The following TRIM29 variants were observed in gnomAD, a reference collection of about 807,000 sequenced individuals.
TRIM29 encodes tripartite motif containing 29.
In TRIM29, 52 loss-of-function variants were observed where a neutral mutation model predicts 57.3. That is an observed-to-expected ratio of 0.91 (90% CI 0.73 to 1.14). The LOEUF is 1.14. Ranked by LOEUF, TRIM29 falls within the 50% of genes most tolerant of loss-of-function variation. The probability of loss-of-function intolerance (pLI) is 0.00; values close to 1 mark genes in which losing one functional copy is unlikely to be tolerated. For missense variants in TRIM29, 753 were observed against 774.6 expected, an observed-to-expected ratio of 0.97 and a Z score of 0.33; for synonymous variants, 319 against 316.9, an observed-to-expected ratio of 1.01 and a Z score of -0.07.
intron 4 of TRIM29, chr11:120,123,443 C>T (rs558045669): frequency 1.1e-5 from 5 of 462,764 alleles, no homozygotes; most frequent in Admixed American, 2.3e-5. Flanking sequence ...AGAGAAGCAG[C>T]TTGCCCAATG....
At chr11:120,136,496 A>T (rs1464528622) in intron 1 of TRIM29, among the ~76,000 whole-genome samples, 1 of 152,144 alleles carries the variant, frequency 6.6e-6, no homozygotes, top group African/African-American at 2.4e-5. Context: ...CAAACTCCAA[A>T]CTTCCCCAAC....
At chr11:120,127,699 T>A in intron 2 of TRIM29, 130 bp from the exon 3 acceptor site, 1 of 799,996 alleles carries the variant, frequency 1.3e-6, no homozygotes, top group Non-Finnish European at 1.9e-6. Flanking sequence ...CTGGCAAGCC[T>A]ATTTGGCCAA....
chr11:120,137,972 C>G lies in TRIM29; in HGVS notation c.60G>C (p.Arg20=), dbSNP rs771109471. 6.2e-7 allele frequency: 1 copy of G among 1,605,424 alleles called. No individual in the cohort carries two copies. Among genetic ancestry groups the G allele is most frequent in the Admixed American group, 1.7e-5 (1 of 60,018 alleles). ...NGSSPEARDA[R]SPSGPSGSLE... is the part of the protein sequence containing the mutation. ...GGCTGCCACTGGGGCCCGACGGGCT[C>G]CGGGCATCCCTGGCTTCTGGGCTCG... The change falls in exon 1 of 9, where the codon CGG becomes CGC. Residue 20 remains arginine, a synonymous_variant. Transcript: ENST00000341846. The surrounding 1 kb of genome is among the most constrained non-coding windows in gnomAD (Gnocchi z 6.2).
Position 120,137,108 on chromosome 11 carries a change from C to T in TRIM29, c.804+120G>A. ...GGGAAATAAATGTTTTCTAAAAGAG[C>T]CAAGGACAGTAGAAACTTAAGCCCC... On this transcript the variant is annotated intron_variant, in intron 1 of 8. Transcript: ENST00000341846. This position sits in a 1 kb window ranked among gnomAD's most constrained non-coding sequence, Gnocchi z 6.2. 9.1e-7 allele frequency: 1 copy of T among 1,097,714 alleles called. No individual in the cohort carries two copies. Among genetic ancestry groups the T allele is most frequent in the South Asian group, 1.5e-5 (1 of 65,248 alleles). The allele number at this position is 1,097,714 out of a possible 1,614,324, so 68.0% of individuals were successfully genotyped here. A position where few individuals can be genotyped will look rare whatever the true frequency, so the allele number is the denominator to read the frequency against.
At position 120,118,231 on chromosome 11, in the gene TRIM29, GAGA is replaced by G; in HGVS notation, c.1616_1618del (p.Phe539del). ...AGGGTGGGCAAGCTCACCTTTCAGG[GAGA>G]AGGAGGAGCTGCCTTGGACGACGGG... On this transcript the variant is annotated inframe_deletion, in exon 7 of 9. Coordinates refer to ENST00000341846, the MANE Select transcript of TRIM29 (RefSeq NM_012101.4). The G allele has an allele frequency of 1.9e-6, 3 of 1,613,980 alleles. No homozygotes were observed. Among genetic ancestry groups the G allele is most frequent in the South Asian group, 1.1e-5 (1 of 91,052 alleles).
rs1863334209 is a variant in TRIM29 at position 120,118,283 on chromosome 11, T to G, written c.1567A>C (p.Ile523Leu). The G allele has an allele frequency of 6.2e-7, 1 of 1,613,850 alleles. No individual in the cohort carries two copies. The highest frequency in any genetic ancestry group is 1.3e-5 in the African/African-American group (1 of 74,890). The change falls in exon 7 of 9, where the codon ATT becomes CTT. Residue 523 changes from isoleucine to leucine, a missense_variant. Transcript: ENST00000341846. ...GGCAGGTCATTGTCAGAGTTCTGAA[T>G]GCTGGAGGAGTACTCCCAGACCCGG... ...TSRVWEYSSSIQNSDNDLPVV... is the reference protein window; with the variant it reads ...TSRVWEYSSSLQNSDNDLPVV...
intron 7 of TRIM29, chr11:120,116,419 C>A (rs1248020297): frequency 1.3e-5 from 2 of 152,354 alleles, no homozygotes; most frequent in Non-Finnish European, 2.9e-5. Flanking sequence ...AGATCTCTGT[C>A]CAGTGAGAGG....
intron 7 of TRIM29, chr11:120,115,980 T>C (rs1048630678): frequency 1.4e-4 from 21 of 153,006 alleles, no homozygotes; most frequent in Non-Finnish European, 1.4e-5. Context: ...GCACAGCTCA[T>C]AAGCAGCAAA....
At chr11:120,131,639 T>C (rs1385673336) in intron 1 of TRIM29, among the ~76,000 whole-genome samples, 3 of 149,642 alleles carry the variant, frequency 2.0e-5, no homozygotes, top group African/African-American at 7.4e-5. Flanking sequence ...GCTCTTGGAG[T>C]TCCCATGGAC....
At chr11:120,135,124 C>T (rs1863793179) in intron 1 of TRIM29, among the ~76,000 whole-genome samples, 1 of 152,172 alleles carries the variant, frequency 6.6e-6, no homozygotes, top group African/African-American at 2.4e-5. Flanking sequence ...CCAAGACCCT[C>T]CTGCCCACCA....
rs764233351 is a variant in TRIM29 at position 120,137,700 on chromosome 11, A to C, written c.332T>G (p.Leu111Arg). The change falls in exon 1 of 9, where the codon CTG becomes CGG. Residue 111 changes from leucine (L) to arginine (R), a missense_variant. Leu to Arg is a moderately radical substitution (Grantham distance 102). Coordinates refer to ENST00000341846, the MANE Select transcript of TRIM29 (RefSeq NM_012101.4). This position sits in a 1 kb window ranked among gnomAD's most constrained non-coding sequence, Gnocchi z 6.2. ...AACGGGTGGCTTCTTGGCAGCCCCC[A>C]GCTGGAGCCCTGCGTACGGCGACCT... ...GKRSPYAGLQLGAAKKPPVTF... is the reference protein window; with the variant it reads ...GKRSPYAGLQRGAAKKPPVTF... The C allele has an allele frequency of 3.7e-6, 6 of 1,613,172 alleles. No individual in the cohort carries two copies. The South Asian group carries it at 6.6e-5, about 18-fold the overall frequency.
At chr11:120,131,161 G>C (rs1863714901) in intron 1 of TRIM29, among the ~76,000 whole-genome samples, 2 of 152,202 alleles carry the variant, frequency 1.3e-5, no homozygotes, top group African/African-American at 4.8e-5. Context: ...GTGAGCAGAA[G>C]TGCACAGGGA....
In TRIM29 at chr11:120,112,259, C is replaced by T. The variant is rs148329788; in HGVS notation, c.*155G>A. 6.9e-5 allele frequency: 54 copies of T among 782,884 alleles called. 1 individual carries two copies. The highest frequency in any genetic ancestry group is 4.8e-4 in the South Asian group (27 of 56,616). The allele number at this position is 782,884 out of a possible 1,614,324, so 48.5% of individuals were successfully genotyped here. ...TGGCCAGTGGGGAAGTCGGAGAGGC[C>T]GGAACTGCCCCCAAGAGGCTGGCAG... On this transcript the variant is annotated 3_prime_UTR_variant, in exon 9 of 9. Coordinates refer to ENST00000341846, the MANE Select transcript of TRIM29 (RefSeq NM_012101.4).
chr11:120,120,939 A>C (rs1336005909), intron 5 of TRIM29: 2 of 522,948 alleles, frequency 3.8e-6, no homozygotes, highest in East Asian at 8.3e-5. Context: ...GCTCTCAGCC[A>C]CGTGAGGGTG....
At chr11:120,115,451 G>T (rs756661530) in intron 7 of TRIM29, 37 bp from the exon 8 acceptor site, 5 of 1,592,854 alleles carry the variant, frequency 3.1e-6, no homozygotes, top group Admixed American at 1.7e-5. Context: ...AGGGAGCAGC[G>T]CTGGTGGTCA....
In TRIM29 at chr11:120,137,155, G is replaced by A; in HGVS notation, c.804+73C>T. 1 of 1,537,974 alleles carries A rather than the reference G, an allele frequency of 6.5e-7. No individual in the cohort carries two copies. The highest frequency in any genetic ancestry group is 8.9e-7 in the Non-Finnish European group (1 of 1,126,636). On this transcript the variant is annotated intron_variant, in intron 1 of 8. Coordinates refer to ENST00000341846, the MANE Select transcript of TRIM29 (RefSeq NM_012101.4). The surrounding 1 kb of genome is among the most constrained non-coding windows in gnomAD (Gnocchi z 6.2). The stretch of plus-strand genomic sequence containing the variant: ...CCCCAAACCCGAGGAAGCCCGAGTG[G>A]AGAAGATGAAGTTCGGAGGGGTGGG...
intron 1 of TRIM29, among the ~76,000 whole-genome samples, chr11:120,135,322 T>C (rs1392712632): frequency 6.6e-6 from 1 of 152,126 alleles, no homozygotes; most frequent in Non-Finnish European, 1.5e-5. Flanking sequence ...CTCGAAGACA[T>C]GTCTAAGAAT....
chr11:120,115,697 A>G, intron 7 of TRIM29: 1 of 452,302 alleles, frequency 2.2e-6, no homozygotes, highest in East Asian at 4.5e-5. Context: ...CATCCAGCGC[A>G]GCATCACACT....
chr11:120,122,131 A>AGTGTGAGTGTGT (rs1863466546), intron 5 of TRIM29: 1 of 202,016 alleles, frequency 5.0e-6, no homozygotes, highest in African/African-American at 2.8e-5. Context: ...TGTGTGTGTG[A>AGTGTGAGTGTGT]GTGTGTGTGT....
Sources: gnomAD v4.1 joint callset for allele counts (sites outside exome capture counted in the v4.1 genomes callset) on GRCh38, gnomAD v4.1.1 for gene constraint, Gnocchi (gnomAD v3.1) non-coding constraint, MANE v1.5 for transcripts, NCBI Gene and HGNC (gene_info 2026-07-23, HGNC 2026-07-21) for gene names.